Variants in FRAS1 observed in about 807,000 individuals in gnomAD.
The protein encoded by FRAS1 is Fraser extracellular matrix complex subunit 1.
Under a neutral mutation model 435.2 loss-of-function variants are expected in FRAS1, and 290 were observed. The observed-to-expected ratio is 0.67, with a 90% CI of 0.61 to 0.73. The LOEUF is 0.73. Ranked by LOEUF, FRAS1 falls within the 30% of genes least tolerant of loss-of-function variation. The pLI is 0.00. For synonymous variants in FRAS1, 1,800 were observed against 1,851.0 expected, an observed-to-expected ratio of 0.97 and a Z score of 0.71; for missense variants, 4,860 against 5,001.5, an observed-to-expected ratio of 0.97 and a Z score of 0.85.
chr4:78,435,101 C>G (rs1734363545), intron 38 of FRAS1, among the ~76,000 whole-genome samples: 1 of 151,848 alleles, frequency 6.6e-6, no homozygotes, highest in Non-Finnish European at 1.5e-5. Flanking sequence ...TACAAAAATA[C>G]AAAAATCATC....
At position 78,479,559 on chromosome 4, in the gene FRAS1, G is replaced by A. The variant is rs369325251; in HGVS notation, c.8284G>A (p.Glu2762Lys). The change falls in exon 56 of 74, where the codon GAG (glutamate) becomes AAG (lysine). Residue 2762 changes from glutamate to lysine, a missense_variant. By Grantham distance (56) the Glu-to-Lys change is moderately conservative (BLOSUM62 1). Coordinates refer to ENST00000512123, the MANE Select transcript of FRAS1 (RefSeq NM_025074.7). ...TGATGTCATGCTTATTGATGACAGC[G>A]AGTATGAAGAGGAAGAAGAGTTTGA... ...TCDVMLIDDS[E>K]YEEEEEFEIA... is the part of the protein sequence containing the mutation. The A allele has an allele frequency of 9.9e-6, 16 of 1,613,876 alleles. No individual in the cohort carries two copies. The Admixed American group carries it at 1.7e-4, about 17-fold the overall frequency.
chr4:78,513,235 C>T (rs17429718), intron 64 of FRAS1, among the ~76,000 whole-genome samples, 157 bp from the exon 65 acceptor site: 21,975 of 152,074 alleles, frequency 0.14, 1,911 homozygotes, highest in Non-Finnish European at 0.21. Context: ...TATATGTATA[C>T]CCCCTGTTCA....
At chr4:78,436,147 A>C (rs1734418460) in intron 38 of FRAS1, among the ~76,000 whole-genome samples, 1 of 152,192 alleles carries the variant, frequency 6.6e-6, no homozygotes, top group Admixed American at 6.5e-5. Flanking sequence ...AACAAAGAAA[A>C]TATAACACTC....
chr4:78,295,703 TG>T (rs1465164074), intron 14 of FRAS1, among the ~76,000 whole-genome samples: 1 of 152,128 alleles, frequency 6.6e-6, no homozygotes, highest in Non-Finnish European at 1.5e-5. Context: ...ACTTTTTGTA[TG>T]TATATTCTCT....
At chr4:78,447,464 T>C (rs553480682) in intron 43 of FRAS1, among the ~76,000 whole-genome samples, 3 of 151,812 alleles carry the variant, frequency 2.0e-5, no homozygotes, top group Non-Finnish European at 4.4e-5. Context: ...AAAGATTAAA[T>C]TGTTGCAGTA....
chr4:78,477,112 T>A (rs1240185132), intron 54 of FRAS1, among the ~76,000 whole-genome samples: 1 of 152,168 alleles, frequency 6.6e-6, no homozygotes, highest in Non-Finnish European at 1.5e-5. Context: ...TGGCAAAGGG[T>A]GTAGTCAAAA....
intron 3 of FRAS1, among the ~76,000 whole-genome samples, chr4:78,242,136 G>T (rs1233204864): frequency 6.6e-6 from 1 of 152,184 alleles, no homozygotes; most frequent in East Asian, 1.9e-4. Flanking sequence ...AATGAAATAG[G>T]ATCATAGAAT....
chr4:78,292,948 G>C (rs564879783), intron 14 of FRAS1, among the ~76,000 whole-genome samples: 1 of 152,254 alleles, frequency 6.6e-6, no homozygotes, highest in Non-Finnish European at 1.5e-5. Flanking sequence ...CTAAATTGCT[G>C]ACTGTCTCAT....
At chr4:78,415,919 C>A (rs555053198) in intron 32 of FRAS1, among the ~76,000 whole-genome samples, 1 of 152,048 alleles carries the variant, frequency 6.6e-6, no homozygotes, top group South Asian at 2.1e-4. Context: ...AGAGCAAGAA[C>A]AATTAGTGGC....
chr4:78,060,910 A>G (rs7689647), intron 1 of FRAS1, among the ~76,000 whole-genome samples: 36,766 of 151,932 alleles, frequency 0.24, 4,797 homozygotes, highest in East Asian at 0.35. Context: ...GCAGTGGTGC[A>G]ATCTCAGCTC....
intron 60 of FRAS1, among the ~76,000 whole-genome samples, chr4:78,497,387 A>T (rs560211993): frequency 6.8e-6 from 1 of 146,562 alleles, no homozygotes; most frequent in Non-Finnish European, 1.5e-5. Flanking sequence ...TTGGCCTACT[A>T]ACCTAAAAAA....
At chr4:78,437,643 C>A (rs544502816) in intron 38 of FRAS1, among the ~76,000 whole-genome samples, 1 of 152,306 alleles carries the variant, frequency 6.6e-6, no homozygotes, top group East Asian at 1.9e-4. Flanking sequence ...CATTCCTGAT[C>A]CTGTACCTCA....
At chr4:78,283,347 T>C (rs1727422281) in intron 12 of FRAS1, among the ~76,000 whole-genome samples, 1 of 152,240 alleles carries the variant, frequency 6.6e-6, no homozygotes, top group Admixed American at 6.5e-5. Context: ...TTGTTATGGG[T>C]GTTCTTTGTT....
chr4:78,413,598 G>A (rs1474381215), intron 32 of FRAS1, among the ~76,000 whole-genome samples: 1 of 152,200 alleles, frequency 6.6e-6, no homozygotes, highest in African/African-American at 2.4e-5. Context: ...ATGGAGAGGT[G>A]ATGACAAAGG....
chr4:78,447,925 C>G lies in FRAS1; in HGVS notation c.6011-128C>G, dbSNP rs530346361. On this transcript the variant is annotated intron_variant, in intron 43 of 73. Coordinates refer to ENST00000512123, the MANE Select transcript of FRAS1 (RefSeq NM_025074.7). ...TATGTAAAATGCTAAGCTGTTGGCACCAAGAGCCTCTGAGGCACTTGACAT... is the reference window on the plus strand; with the variant it reads ...TATGTAAAATGCTAAGCTGTTGGCAGCAAGAGCCTCTGAGGCACTTGACAT... The G allele has an allele frequency of 5.9e-5, 46 of 782,562 alleles. No homozygotes were observed. The South Asian group carries it at 6.3e-4, about 11-fold the overall frequency. The allele number at this position is 782,562 out of a possible 1,614,324, so 48.5% of individuals were successfully genotyped here.
chr4:78,360,117 G>A (rs1731020916), intron 20 of FRAS1, among the ~76,000 whole-genome samples: 1 of 152,190 alleles, frequency 6.6e-6, no homozygotes, highest in African/African-American at 2.4e-5. Flanking sequence ...GTCGGTTGGA[G>A]GCACAGAAAG....
At chr4:78,088,980 G>C (rs1422468070) in intron 2 of FRAS1, among the ~76,000 whole-genome samples, 1 of 152,064 alleles carries the variant, frequency 6.6e-6, no homozygotes, top group African/African-American at 2.4e-5. Context: ...ACATGCACAC[G>C]TATGTTTATT....
Position 78,534,715 on chromosome 4 carries a change from A to G in FRAS1, c.11092+100A>G. On this transcript the variant is annotated intron_variant, in intron 71 of 73. Transcript: ENST00000512123. ...CATCTCTGCTCATATGCTCTCAGTC[A>G]CCACCCCAGTAAAGATCCCCCAGGG... 19 of 1,100,716 alleles carry G rather than the reference A, an allele frequency of 1.7e-5. No homozygotes were observed. In the South Asian group the frequency reaches 2.7e-4, roughly 16 times the overall value. The allele number at this position is 1,100,716 out of a possible 1,614,324, so 68.2% of individuals were successfully genotyped here.
chr4:78,457,877 C>A (rs1291998880), intron 47 of FRAS1, among the ~76,000 whole-genome samples: 1 of 152,216 alleles, frequency 6.6e-6, no homozygotes, highest in African/African-American at 2.4e-5. Context: ...TCTTCCCTTC[C>A]TTACCCTAAT....
Sources: allele counts gnomAD v4.1 joint callset (sites outside exome capture counted in the v4.1 genomes callset), GRCh38; gene constraint gnomAD v4.1.1; transcripts MANE v1.5; gene names NCBI Gene and HGNC (gene_info 2026-07-23, HGNC 2026-07-21).